FBXO34: variants seen among roughly 807,000 people sequenced by gnomAD.
The protein encoded by FBXO34 is F-box protein 34.
FBXO34 carries 12 observed loss-of-function variants against 24.5 expected under a neutral mutation model. The ratio of observed to expected loss-of-function variants is 0.49; its 90% CI spans 0.31 to 0.79. The LOEUF is 0.79. Ranked by LOEUF, FBXO34 falls within the 30% of genes least tolerant of loss-of-function variation. The pLI, the probability that FBXO34 is intolerant of heterozygous loss-of-function variation, is 0.04. For missense variants in FBXO34, 823 were observed against 857.7 expected, an observed-to-expected ratio of 0.96 and a Z score of 0.51; for synonymous variants, 320 against 311.9, an observed-to-expected ratio of 1.03 and a Z score of -0.27.
At chr14:55,293,751 A>G (rs1882025412) in intron 1 of FBXO34, among the ~76,000 whole-genome samples, 1 of 152,136 alleles carries the variant, frequency 6.6e-6, no homozygotes, top group Non-Finnish European at 1.5e-5. Flanking sequence ...TCTTTTCTGT[A>G]TCCTTAGCAC....
At chr14:55,345,416 C>T (rs1444006783) in intron 1 of FBXO34, among the ~76,000 whole-genome samples, 1 of 152,174 alleles carries the variant, frequency 6.6e-6, no homozygotes, top group African/African-American at 2.4e-5. Flanking sequence ...CTTTTGAAGG[C>T]TTAGGACTTT....
chr14:55,371,021 G>T (rs1594774943), downstream of FBXO34, among the ~76,000 whole-genome samples: 1 of 152,170 alleles, frequency 6.6e-6, no homozygotes, highest in East Asian at 1.9e-4. Flanking sequence ...TGTCCTCCCT[G>T]TAGGCAGCCA....
chr14:55,402,896 A>G, the FBXO34 span, among the ~76,000 whole-genome samples: 1 of 21,444 alleles, frequency 4.7e-5, no homozygotes, highest in Non-Finnish European at 8.5e-5. Flanking sequence ...ATCTCTACAA[A>G]AAAAAAAAAA....
chr14:55,411,116 G>A, the FBXO34 span, among the ~76,000 whole-genome samples: 3 of 152,286 alleles, frequency 2.0e-5, no homozygotes, highest in South Asian at 4.1e-4. Flanking sequence ...ATTAGAGTAA[G>A]CATGTCTGAT....
intron 1 of FBXO34, chr14:55,298,602 GAGCCC>G (rs1391002272): frequency 1.4e-5 from 15 of 1,037,632 alleles, no homozygotes; most frequent in Non-Finnish European, 2.1e-5. Flanking sequence ...GCGGGCGCCG[GAGCCC>G]AGCCGGAGCG....
chr14:55,359,487 A>C (rs1387996267), intron 3 of FBXO34, among the ~76,000 whole-genome samples: 1 of 152,244 alleles, frequency 6.6e-6, no homozygotes, highest in Non-Finnish European at 1.5e-5. Context: ...AACAATGTAC[A>C]TTAAGGAATG....
At chr14:55,382,198 G>A in the FBXO34 span, 2 of 1,613,564 alleles carry the variant, frequency 1.2e-6, no homozygotes, top group East Asian at 2.2e-5. Flanking sequence ...GTCTCTACAA[G>A]TAGGAAGACA....
At chr14:55,382,313 ATTTTTAT>A in the FBXO34 span, 1 of 771,926 alleles carries the variant, frequency 1.3e-6, no homozygotes, top group Non-Finnish European at 2.1e-6. Flanking sequence ...TTTACATTAA[ATTTTTAT>A]TTTTTATTTT....
chr14:55,305,262 G>A (rs1320419401), intron 1 of FBXO34, among the ~76,000 whole-genome samples: 1 of 151,992 alleles, frequency 6.6e-6, no homozygotes, highest in Non-Finnish European at 1.5e-5. Flanking sequence ...AATAAAAAAA[G>A]TTAGCTGGGC....
chr14:55,280,855 T>A (rs7148663), intron 1 of FBXO34, among the ~76,000 whole-genome samples: 19,741 of 151,750 alleles, frequency 0.13, 3,626 homozygotes, highest in African/African-American at 0.41. Flanking sequence ...ATCCATGGAG[T>A]TTGGTGTCCA....
chr14:55,415,606 TG>T, the FBXO34 span, among the ~76,000 whole-genome samples: 2 of 152,216 alleles, frequency 1.3e-5, no homozygotes, highest in Non-Finnish European at 2.9e-5. Flanking sequence ...GGCTCACACC[TG>T]TAATCCCAGC....
chr14:55,437,155 A>T, the FBXO34 span: 1 of 733,322 alleles, frequency 1.4e-6, no homozygotes, highest in African/African-American at 1.8e-5. Flanking sequence ...GTATTCATGC[A>T]CTGCTTTTTT....
the FBXO34 span, among the ~76,000 whole-genome samples, chr14:55,381,162 C>T: frequency 6.6e-6 from 1 of 152,084 alleles, no homozygotes; most frequent in Admixed American, 6.5e-5. Flanking sequence ...TCCTACCTTT[C>T]TCCCCTGAGA....
chr14:55,345,011 G>T (rs115373639), intron 1 of FBXO34, among the ~76,000 whole-genome samples: 1 of 152,174 alleles, frequency 6.6e-6, no homozygotes, highest in African/African-American at 2.4e-5. Flanking sequence ...TAATAAACGG[G>T]TAGGGCTGGG....
At chr14:55,402,957 ATATATATATAT>A in the FBXO34 span, among the ~76,000 whole-genome samples, 743 of 76,092 alleles carry the variant, frequency 9.8e-3, 19 homozygotes, top group Middle Eastern at 0.028. Flanking sequence ...ATATATATAT[ATATATATATAT>A]AAATAGCTGG....
At chr14:55,400,050 G>C in the FBXO34 span, among the ~76,000 whole-genome samples, 2 of 152,208 alleles carry the variant, frequency 1.3e-5, no homozygotes, top group East Asian at 3.8e-4. Flanking sequence ...AATACTTCAT[G>C]AGTCACGTCC....
chr14:55,299,393 G>C (rs1174365845), intron 1 of FBXO34, among the ~76,000 whole-genome samples: 8 of 151,758 alleles, frequency 5.3e-5, no homozygotes, highest in Non-Finnish European at 1.2e-4. Context: ...GGGATGGGTG[G>C]GGGCGGGTAG....
In FBXO34 at chr14:55,289,332, T is replaced by C. The variant is rs147986051; in HGVS notation, c.-11+17795T>C. On this transcript the variant is annotated intron_variant, in intron 1 of 1. Transcript: ENST00000313833. ...TATACCAAAATTTCAAAAAAGTTTG[T>C]ATATTTTAGTAGGATGGAAGAACAT... is the stretch of plus-strand genomic sequence containing the variant. 2.4e-4 allele frequency among the ~76,000 whole-genome samples: 37 copies of C among 152,274 alleles called. No homozygotes were observed. The East Asian group carries it at 6.7e-3, about 28-fold the overall frequency.
chr14:55,349,185 A>C (rs1344463077), intron 1 of FBXO34, among the ~76,000 whole-genome samples: 2 of 152,026 alleles, frequency 1.3e-5, no homozygotes, highest in East Asian at 3.8e-4. Flanking sequence ...TAGGTTATCT[A>C]GTATTTCAGC....
Sources: gnomAD v4.1 joint callset for allele counts (sites outside exome capture counted in the v4.1 genomes callset) on GRCh38, gnomAD v4.1.1 for gene constraint, MANE v1.5 for transcripts, NCBI Gene and HGNC (gene_info 2026-07-23, HGNC 2026-07-21) for gene names.